The following RBFOX1 variants were observed in gnomAD, a reference collection of about 807,000 sequenced individuals.
RBFOX1 encodes RNA binding protein fox-1 homolog 1.
Under a neutral mutation model 57.7 loss-of-function variants are expected in RBFOX1, and 8 were observed. That is an observed-to-expected ratio of 0.14 (90% CI 0.08 to 0.25). RBFOX1 has a LOEUF of 0.25. Among genes scored for constraint, RBFOX1 ranks in the 10% least tolerant of loss-of-function variants. RBFOX1 has a pLI of 1.00. For synonymous variants in RBFOX1, 326 were observed against 222.4 expected (o/e 1.47, Z -4.15); for missense variants, 611 against 548.5 (o/e 1.11, Z -1.14).
At chr16:6,274,439 C>T (rs1182260194) in intron 1 of RBFOX1, among the ~76,000 whole-genome samples, 1 of 152,022 alleles carries the variant, frequency 6.6e-6, no homozygotes, top group South Asian at 2.1e-4. Flanking sequence ...GAAAATTATG[C>T]CGCATGAAAA....
chr16:6,551,296 T>C (rs17140579), intron 2 of RBFOX1, among the ~76,000 whole-genome samples: 12,603 of 152,190 alleles, frequency 0.083, 1,289 homozygotes, highest in African/African-American at 0.24. Context: ...GGTTGGAGCT[T>C]TGCTACTGGG....
chr16:6,727,529 C>G (rs1186789229), intron 3 of RBFOX1, among the ~76,000 whole-genome samples: 1 of 151,988 alleles, frequency 6.6e-6, no homozygotes, highest in African/African-American at 2.4e-5. Flanking sequence ...TAGCGTGAGC[C>G]AGGAGTTTAA....
At chr16:7,027,756 G>T (rs2041412082) in intron 3 of RBFOX1, among the ~76,000 whole-genome samples, 1 of 150,984 alleles carries the variant, frequency 6.6e-6, no homozygotes, top group Non-Finnish European at 1.5e-5. Flanking sequence ...TTTTATATTT[G>T]TAACATACAG....
At chr16:6,742,566 A>G (rs933424647) in intron 3 of RBFOX1, among the ~76,000 whole-genome samples, 10 of 152,248 alleles carry the variant, frequency 6.6e-5, no homozygotes, top group Admixed American at 5.9e-4. Context: ...TTCTGAGTCA[A>G]AAACTGGAAA....
intron 9 of RBFOX1, among the ~76,000 whole-genome samples, chr16:7,598,913 GGTAGTTTTGATTTT>G: frequency 6.6e-6 from 1 of 152,200 alleles, no homozygotes. Context: ...ATTATCATTT[GGTAGTTTTGATTTT>G]CCTGTTTCTT....
At chr16:6,664,841 G>C (rs1420000986) in intron 3 of RBFOX1, among the ~76,000 whole-genome samples, 1 of 152,182 alleles carries the variant, frequency 6.6e-6, no homozygotes, top group African/African-American at 2.4e-5. Context: ...AAACGGATCT[G>C]GAGTTGAATC....
chr16:5,540,026 T>G (rs1445293750), intron 2 of RBFOX1, among the ~76,000 whole-genome samples: 2 of 152,254 alleles, frequency 1.3e-5, no homozygotes, highest in African/African-American at 4.8e-5. Flanking sequence ...TCTTCTGTTC[T>G]GATTTCTGCC....
intron 4 of RBFOX1, among the ~76,000 whole-genome samples, chr16:7,108,042 T>A (rs1470029407): frequency 6.6e-6 from 1 of 151,468 alleles, no homozygotes; most frequent in Non-Finnish European, 1.5e-5. Context: ...GGTAGAGAGG[T>A]GAAAGGATGA....
intron 3 of RBFOX1, among the ~76,000 whole-genome samples, chr16:5,816,685 G>C (rs2055652435): frequency 6.6e-6 from 1 of 152,126 alleles, no homozygotes; most frequent in South Asian, 2.1e-4. Context: ...TAGGGAGGCT[G>C]AGGTGGGAGG....
At chr16:7,246,354 A>G (rs146917926) in intron 4 of RBFOX1, among the ~76,000 whole-genome samples, 13 of 152,262 alleles carry the variant, frequency 8.5e-5, no homozygotes, top group African/African-American at 2.9e-4. Context: ...GGCATCCCCC[A>G]CAGCAAAGCA....
chr16:5,294,663 C>G (rs1457616736), intron 1 of RBFOX1, among the ~76,000 whole-genome samples: 1 of 152,064 alleles, frequency 6.6e-6, no homozygotes, highest in Admixed American at 6.5e-5. Context: ...TATGTTTCCC[C>G]TGTATTTGCC....
chr16:6,888,817 T>A (rs72770619), intron 3 of RBFOX1, among the ~76,000 whole-genome samples: 34,274 of 152,044 alleles, frequency 0.23, 4,748 homozygotes, highest in Admixed American at 0.36. Flanking sequence ...AAACATTAGA[T>A]CTTATTGCTT....
At chr16:5,581,316 T>A (rs1047143751) in intron 2 of RBFOX1, among the ~76,000 whole-genome samples, 12 of 152,354 alleles carry the variant, frequency 7.9e-5, no homozygotes, top group African/African-American at 2.9e-4. Context: ...GTCCTAACTC[T>A]AGCAAGTTGC....
intron 1 of RBFOX1, among the ~76,000 whole-genome samples, chr16:6,316,092 A>G (rs943324538): frequency 1.3e-5 from 2 of 152,174 alleles, no homozygotes; most frequent in Non-Finnish European, 2.9e-5. Context: ...TCAATTATCG[A>G]TGGATCAGGA....
intron 1 of RBFOX1, among the ~76,000 whole-genome samples, chr16:6,166,101 T>TA (rs1567598209): frequency 6.6e-6 from 1 of 152,222 alleles, no homozygotes; most frequent in East Asian, 1.9e-4. Flanking sequence ...CTCGAATTGG[T>TA]AAAAATAAAT....
chr16:6,687,712 G>T (rs139188586), intron 3 of RBFOX1, among the ~76,000 whole-genome samples: 15 of 152,224 alleles, frequency 9.9e-5, no homozygotes, highest in African/African-American at 3.1e-4. Flanking sequence ...AGTTGCAGCG[G>T]CCGGGGAGGA....
intron 4 of RBFOX1, among the ~76,000 whole-genome samples, chr16:7,281,122 C>T (rs544016875): frequency 2.0e-5 from 3 of 151,940 alleles, no homozygotes; most frequent in South Asian, 2.1e-4. Context: ...CCTGCCTCAG[C>T]CTCCTGAATA....
At chr16:5,590,507 G>C (rs964054484) in intron 2 of RBFOX1, among the ~76,000 whole-genome samples, 3 of 152,134 alleles carry the variant, frequency 2.0e-5, no homozygotes, top group African/African-American at 7.2e-5. Flanking sequence ...GGGAAGCCTC[G>C]GTGTCATTAT....
intron 3 of RBFOX1, among the ~76,000 whole-genome samples, chr16:5,636,200 T>G (rs541330551): frequency 1.3e-5 from 2 of 152,122 alleles, no homozygotes; most frequent in East Asian, 1.9e-4. Context: ...ATACAAAAAT[T>G]AGCTGGGTAT....
Sources: allele counts gnomAD v4.1 joint callset (sites outside exome capture counted in the v4.1 genomes callset), GRCh38; gene constraint gnomAD v4.1.1; transcripts MANE v1.5; gene names NCBI Gene and HGNC (gene_info 2026-07-23, HGNC 2026-07-21).